GALNT17: variants seen among roughly 807,000 people sequenced by gnomAD.
The protein encoded by GALNT17 is UDP-GalNAc:polypeptide N-acetylgalactosaminyltransferase-like 3.
GALNT17 carries 29 observed loss-of-function variants against 63.7 expected under a neutral mutation model. That is an observed-to-expected ratio of 0.46 (90% CI 0.34 to 0.62). GALNT17 has a LOEUF of 0.62. GALNT17 is among the 20% of genes least tolerant of loss of function. The pLI is 0.01. For missense variants in GALNT17, 603 were observed against 799.6 expected, an observed-to-expected ratio of 0.75 and a Z score of 2.97; for synonymous variants, 305 against 318.3, an observed-to-expected ratio of 0.96 and a Z score of 0.45.
chr7:71,699,953 G>A (rs1346475083), intron 9 of GALNT17, among the ~76,000 whole-genome samples: 10 of 151,976 alleles, frequency 6.6e-5, no homozygotes, highest in Admixed American at 6.6e-4. Context: ...ATAAGGTGAA[G>A]TGTGTCAGTG....
chr7:71,169,350 C>T (rs1478089196), intron 1 of GALNT17, among the ~76,000 whole-genome samples: 1 of 152,146 alleles, frequency 6.6e-6, no homozygotes, highest in Admixed American at 6.6e-5. Flanking sequence ...GTAGTGGCCT[C>T]ACATCATTTC....
intron 10 of GALNT17, 25 bp downstream of exon 10, chr7:71,710,953 G>C: frequency 6.2e-7 from 1 of 1,610,112 alleles, no homozygotes; most frequent in Non-Finnish European, 8.5e-7. Context: ...GACAGAGCCA[G>C]CACCCAGAGT....
intron 4 of GALNT17, 113 bp downstream of exon 4, chr7:71,416,176 T>A: frequency 8.1e-7 from 1 of 1,242,204 alleles, no homozygotes; most frequent in Non-Finnish European, 1.1e-6. Context: ...ACTGGGAGAC[T>A]AGAGAGAGAC....
At chr7:71,702,983 G>A (rs1275945655) in intron 9 of GALNT17, among the ~76,000 whole-genome samples, 1 of 152,206 alleles carries the variant, frequency 6.6e-6, no homozygotes, top group Admixed American at 6.5e-5. Context: ...CATCCAAGTG[G>A]TATGTCAAGT....
At chr7:71,375,040 A>G (rs1472082444) in intron 2 of GALNT17, among the ~76,000 whole-genome samples, 3 of 152,092 alleles carry the variant, frequency 2.0e-5, no homozygotes, top group Non-Finnish European at 2.9e-5. Context: ...GGGTTTCACC[A>G]TGTTGGCCAG....
At chr7:71,458,380 C>T (rs1016262297) in intron 5 of GALNT17, among the ~76,000 whole-genome samples, 5 of 152,228 alleles carry the variant, frequency 3.3e-5, no homozygotes, top group African/African-American at 7.2e-5. Flanking sequence ...GGTGCAGGAG[C>T]GGGGGCGAGT....
intron 6 of GALNT17, among the ~76,000 whole-genome samples, chr7:71,612,823 G>C (rs1357099035): frequency 6.6e-6 from 1 of 152,144 alleles, no homozygotes; most frequent in East Asian, 1.9e-4. Context: ...GACATAAACT[G>C]GGCAGGGTGA....
intron 1 of GALNT17, among the ~76,000 whole-genome samples, chr7:71,203,574 G>C (rs2116373279): frequency 6.6e-6 from 1 of 152,306 alleles, no homozygotes; most frequent in African/African-American, 2.4e-5. Flanking sequence ...GTATTAGGCT[G>C]TTCACACATG....
At chr7:71,684,498 G>A (rs544602695) in intron 9 of GALNT17, among the ~76,000 whole-genome samples, 91 of 152,272 alleles carry the variant, frequency 6.0e-4, no homozygotes, top group Admixed American at 1.2e-3. Flanking sequence ...CCCCATAGCC[G>A]CGTGTTCCAG....
Position 71,163,029 on chromosome 7 carries a change from A to C in GALNT17, c.238+29989A>C, listed in dbSNP as rs76481375. Among the ~76,000 whole-genome samples the C allele has an allele frequency of 2.9e-3, 435 of 152,348 alleles. 2 individuals carry two copies. Among genetic ancestry groups the C allele is most frequent in the African/African-American group, 0.01 (421 of 41,592 alleles). On this transcript the variant is annotated intron_variant, in intron 1 of 10. Transcript: ENST00000333538. The stretch of plus-strand genomic sequence containing the variant: ...CAGGCAAGGGAAGATGGAAATGGCA[A>C]CTTGGATATGTTTGGAGGTAGTGAG...
At chr7:71,294,807 C>T (rs917269501) in intron 1 of GALNT17, among the ~76,000 whole-genome samples, 1 of 152,072 alleles carries the variant, frequency 6.6e-6, no homozygotes, top group Non-Finnish European at 1.5e-5. Context: ...AGGTTTTAAA[C>T]CTGACCAGTT....
At chr7:71,323,641 A>G (rs1791655023) in intron 1 of GALNT17, among the ~76,000 whole-genome samples, 1 of 152,192 alleles carries the variant, frequency 6.6e-6, no homozygotes, top group African/African-American at 2.4e-5. Context: ...TAGGGAATCA[A>G]TGATGATTTG....
chr7:71,405,674 G>A (rs1793315890), intron 3 of GALNT17, among the ~76,000 whole-genome samples: 1 of 152,170 alleles, frequency 6.6e-6, no homozygotes, highest in African/African-American at 2.4e-5. Flanking sequence ...TGAGGGCCTA[G>A]TCCTCATAGA....
At chr7:71,144,922 G>T (rs937211135) in intron 1 of GALNT17, among the ~76,000 whole-genome samples, 5 of 152,124 alleles carry the variant, frequency 3.3e-5, no homozygotes, top group Non-Finnish European at 7.3e-5. Context: ...TAGAGATGGG[G>T]TTTCACCATG....
chr7:71,260,537 T>C (rs1298426817), intron 1 of GALNT17, among the ~76,000 whole-genome samples: 1 of 152,228 alleles, frequency 6.6e-6, no homozygotes, highest in African/African-American at 2.4e-5. Context: ...TCCTCTTTTA[T>C]GCTGTACCTT....
intron 6 of GALNT17, among the ~76,000 whole-genome samples, chr7:71,654,232 G>C (rs972530915): frequency 1.3e-5 from 2 of 152,072 alleles, no homozygotes; most frequent in Non-Finnish European, 2.9e-5. Flanking sequence ...AGCCAGGATG[G>C]TCTCCATCTC....
At chr7:71,312,982 A>G (rs981497355) in intron 1 of GALNT17, among the ~76,000 whole-genome samples, 1 of 152,078 alleles carries the variant, frequency 6.6e-6, no homozygotes, top group South Asian at 2.1e-4. Flanking sequence ...TGTGGTGTGT[A>G]CCTGTAGTTC....
rs1793519247 is a variant in GALNT17 at position 71,415,990 on chromosome 7, A to G, written c.691A>G (p.Ile231Val). Residue 231 changes from isoleucine to valine, a missense_variant, in exon 4 of 11, where the codon ATT (isoleucine) becomes GTT (valine). Transcript: ENST00000333538. ...QKREGLIRAR[I>V]EGWKVATGQV... is the part of the protein sequence containing the mutation. ...GAGGGAAGGCCTGATCCGCGCTCGC[A>G]TTGAGGGCTGGAAGGTGGCTACCGG... 1.2e-6 allele frequency: 2 copies of G among 1,613,856 alleles called. 1 individual carries two copies.
chr7:71,597,137 A>G (rs1236288513), intron 6 of GALNT17, among the ~76,000 whole-genome samples: 1 of 151,980 alleles, frequency 6.6e-6, no homozygotes, highest in African/African-American at 2.4e-5. Context: ...TCCCGGGCTC[A>G]CACCATTCCC....
Sources: gnomAD v4.1 joint callset for allele counts (sites outside exome capture counted in the v4.1 genomes callset) on GRCh38, gnomAD v4.1.1 for gene constraint, MANE v1.5 for transcripts, NCBI Gene and HGNC (gene_info 2026-07-23, HGNC 2026-07-21) for gene names.